MYO3A: variants seen among roughly 807,000 people sequenced by gnomAD.
MYO3A encodes the protein myosin-IIIa.
Under a neutral mutation model 192.7 loss-of-function variants are expected in MYO3A, and 180 were observed. The ratio of observed to expected loss-of-function variants is 0.93; its 90% CI spans 0.83 to 1.06. MYO3A has a LOEUF of 1.06. Among genes scored for constraint, MYO3A ranks in the 50% least tolerant of loss-of-function variants. The pLI is 0.00. For synonymous variants in MYO3A, 628 were observed against 645.3 expected (o/e 0.97, Z 0.41); for missense variants, 1,896 against 1,905.0 (o/e 1.00, Z 0.09).
intron 17 of MYO3A, among the ~76,000 whole-genome samples, chr10:26,101,914 T>C (rs931994756): frequency 1.3e-5 from 2 of 152,190 alleles, no homozygotes; most frequent in African/African-American, 4.8e-5. Context: ...TGTGGCATTT[T>C]CTGTATTTCC....
intron 18 of MYO3A, among the ~76,000 whole-genome samples, chr10:26,124,655 A>G (rs1307798344): frequency 6.6e-6 from 1 of 152,228 alleles, no homozygotes; most frequent in Non-Finnish European, 1.5e-5. Context: ...AGAACAACAG[A>G]TTTGAAAAAT....
chr10:26,189,202 G>A (rs1191254094), intron 31 of MYO3A, among the ~76,000 whole-genome samples: 1 of 152,182 alleles, frequency 6.6e-6, no homozygotes, highest in Admixed American at 6.5e-5. Context: ...GTGTGTGTCT[G>A]TCTTAATCTG....
chr10:26,205,851 C>T (rs977615226), intron 34 of MYO3A, among the ~76,000 whole-genome samples: 2 of 151,990 alleles, frequency 1.3e-5, no homozygotes, highest in Non-Finnish European at 2.9e-5. Context: ...GATCTTCTGA[C>T]CTTGTGATTT....
chr10:26,188,078 CA>C (rs1842946465), intron 31 of MYO3A, among the ~76,000 whole-genome samples: 1 of 152,182 alleles, frequency 6.6e-6, no homozygotes, highest in African/African-American at 2.4e-5. Context: ...CTGACTTCCA[CA>C]ATGGTTGAAC....
At chr10:25,991,242 T>G (rs1457473102) in intron 4 of MYO3A, among the ~76,000 whole-genome samples, 6 of 152,244 alleles carry the variant, frequency 3.9e-5, no homozygotes, top group Non-Finnish European at 8.8e-5. Context: ...GTGGTTTTGG[T>G]TTGCATTTCT....
chr10:25,965,146 C>A (rs907517279), intron 4 of MYO3A, among the ~76,000 whole-genome samples: 11 of 152,182 alleles, frequency 7.2e-5, no homozygotes, highest in Admixed American at 5.9e-4. Flanking sequence ...ATATCTTTCT[C>A]TAGGTTTAGG....
intron 17 of MYO3A, among the ~76,000 whole-genome samples, chr10:26,113,696 TAAA>T (rs1838333301): frequency 6.6e-6 from 1 of 152,100 alleles, no homozygotes; most frequent in Non-Finnish European, 1.5e-5. Flanking sequence ...GTTGGTAAAA[TAAA>T]AATAATTCTG....
At chr10:25,951,171 A>G (rs1026675562) in intron 2 of MYO3A, among the ~76,000 whole-genome samples, 9 of 152,180 alleles carry the variant, frequency 5.9e-5, no homozygotes, top group African/African-American at 2.2e-4. Context: ...TATAATCACA[A>G]TAACGGTACC....
Position 26,212,156 on chromosome 10 carries a change from C to T in MYO3A, c.*193C>T. 1.2e-6 allele frequency: 1 copy of T among 828,252 alleles called. No individual in the cohort carries two copies. 51.3% of individuals were successfully genotyped at this position (828,252 alleles called of 1,614,324 possible). A position where few individuals can be genotyped will look rare whatever the true frequency, so the allele number is the denominator to read the frequency against. On this transcript the variant is annotated 3_prime_UTR_variant, in exon 35 of 35. Transcript: ENST00000642920. ...TGCTCCGAAACAAGAGACCTGGGAG[C>T]CCTCGGGAAACCTCCCCCGACGCTC...
chr10:26,042,296 G>C (rs1843394497), intron 10 of MYO3A, among the ~76,000 whole-genome samples: 1 of 151,966 alleles, frequency 6.6e-6, no homozygotes, highest in South Asian at 2.1e-4. Context: ...ACCTTGAGGT[G>C]GTGTTCTTCA....
rs1564576348 is a variant in MYO3A, at chr10:26,128,448, C to A, written c.2172C>A (p.Phe724Leu). ...GILDIFGFEN[F>L]KKNSFEQLCI... is the part of the protein sequence containing the mutation. The stretch of plus-strand genomic sequence containing the variant: ...TTGATATATTTGGCTTTGAAAATTT[C>A]AAAAAAAATTCCTTCGAGCAGCTGT... The change falls in exon 20 of 35, where the codon TTC (phenylalanine) becomes TTA (leucine). Residue 724 changes from phenylalanine to leucine, a missense_variant. Transcript: ENST00000642920. 2 of 1,611,888 alleles carry A rather than the reference C, an allele frequency of 1.2e-6. No homozygotes were observed.
rs183882005 is a variant in MYO3A at position 26,081,091 on chromosome 10, G to A, written c.1360-7112G>A. 3.2e-4 allele frequency among the ~76,000 whole-genome samples: 49 copies of A among 151,070 alleles called. No individual in the cohort carries two copies. In the East Asian group the frequency reaches 7.7e-3, roughly 24 times the overall value. ...AGCTGTGGTAGTATGGGGTGGAACC[G>A]GCGGTGGGTGGGGCCCTAGAATTCC... On this transcript the variant is annotated intron_variant, in intron 14 of 34. Coordinates refer to ENST00000642920, the MANE Select transcript of MYO3A (RefSeq NM_017433.5).
chr10:26,072,472 G>A (rs1835267096), intron 14 of MYO3A, among the ~76,000 whole-genome samples: 1 of 152,134 alleles, frequency 6.6e-6, no homozygotes, highest in Admixed American at 6.5e-5. Context: ...TACATAACAG[G>A]GAAGACATGT....
At chr10:26,014,171 A>G (rs930466297) in intron 6 of MYO3A, among the ~76,000 whole-genome samples, 19 of 152,260 alleles carry the variant, frequency 1.2e-4, no homozygotes, top group African/African-American at 3.8e-4. Flanking sequence ...CCTCTTAGGT[A>G]CAGCATACGC....
chr10:25,951,373 C>A (rs1837198446), intron 2 of MYO3A, among the ~76,000 whole-genome samples: 1 of 152,004 alleles, frequency 6.6e-6, no homozygotes, highest in Non-Finnish European at 1.5e-5. Context: ...TGCATGCAAC[C>A]CAGATGGGGT....
chr10:26,028,698 G>T (rs1842669860), intron 10 of MYO3A, among the ~76,000 whole-genome samples: 1 of 152,192 alleles, frequency 6.6e-6, no homozygotes, highest in Non-Finnish European at 1.5e-5. Flanking sequence ...ACAGTTTCAT[G>T]AATGCTGGTA....
chr10:25,956,449 T>G (rs1276634969), intron 4 of MYO3A, among the ~76,000 whole-genome samples: 2 of 150,968 alleles, frequency 1.3e-5, no homozygotes, highest in Admixed American at 1.3e-4. Context: ...AGCCTCAGCC[T>G]CACAAGTAGC....
chr10:26,036,511 A>G (rs544241686), intron 10 of MYO3A, among the ~76,000 whole-genome samples: 1 of 152,194 alleles, frequency 6.6e-6, no homozygotes, highest in Non-Finnish European at 1.5e-5. Flanking sequence ...CATTCAGTGA[A>G]AAAAAGGCCT....
Position 26,125,552 on chromosome 10 carries a change from C to G in MYO3A, c.2058C>G (p.Leu686=). 1 of 1,613,994 alleles carries G rather than the reference C, an allele frequency of 6.2e-7. No individual in the cohort carries two copies. The highest frequency in any genetic ancestry group is 1.3e-5 in the African/African-American group (1 of 75,030). ...DAMAKTLYGR[L]FSWIVNCINS... is the part of the protein sequence containing the mutation. ...TGGCTAAAACTTTATATGGACGTCT[C>G]TTTAGTTGGATAGTCAATTGCATTA... Residue 686 remains leucine (L), a synonymous_variant, in exon 19 of 35, where the codon CTC becomes CTG. Coordinates refer to ENST00000642920, the MANE Select transcript of MYO3A (RefSeq NM_017433.5).
Sources: allele counts gnomAD v4.1 joint callset (sites outside exome capture counted in the v4.1 genomes callset), GRCh38; gene constraint gnomAD v4.1.1; transcripts MANE v1.5; gene names NCBI Gene and HGNC (gene_info 2026-07-23, HGNC 2026-07-21).